The following ATP11C variants were observed in gnomAD, a reference collection of about 807,000 sequenced individuals.
The protein encoded by ATP11C is phospholipid-transporting ATPase IG.
In ATP11C, 36 loss-of-function variants were observed where a neutral mutation model predicts 97.4. That is an observed-to-expected ratio of 0.37 (90% confidence interval 0.28 to 0.49). The LOEUF is 0.49. ATP11C is among the 20% of genes least tolerant of loss of function. The pLI, the probability that ATP11C is intolerant of heterozygous loss-of-function variation, is 0.98. For missense variants in ATP11C, 730 were observed against 824.6 expected, an observed-to-expected ratio of 0.89 and a Z score of 1.40; for synonymous variants, 275 against 290.9, an observed-to-expected ratio of 0.95 and a Z score of 0.56.
At chrX:139,881,025 G>A (rs1319876782) in intron 1 of ATP11C, among the ~76,000 whole-genome samples, 1 of 111,637 alleles carries the variant, frequency 9.0e-6, no homozygotes, top group African/African-American at 3.3e-5. Flanking sequence ...ATGAACAACT[G>A]ACTTTGATAA....
At chrX:139,886,626 G>C (rs754221059) in intron 1 of ATP11C, among the ~76,000 whole-genome samples, 1 of 100,723 alleles carries the variant, frequency 9.9e-6, no homozygotes, top group African/African-American at 3.6e-5. Context: ...ACAGCACCAA[G>C]AAACATGTGA....
intron 12 of ATP11C, among the ~76,000 whole-genome samples, chrX:139,793,928 C>T (rs758766789): frequency 9.0e-6 from 1 of 111,609 alleles, no homozygotes; most frequent in South Asian, 3.7e-4. Context: ...CTAGCACACA[C>T]ACACATCCCA....
intron 1 of ATP11C, among the ~76,000 whole-genome samples, chrX:139,828,596 T>C (rs763806827): frequency 1.8e-5 from 2 of 112,029 alleles, no homozygotes; most frequent in African/African-American, 6.5e-5. Flanking sequence ...CACGTATACA[T>C]TGCAATTTGC....
At chrX:139,734,155 T>C (rs1053444496) in intron 28 of ATP11C, among the ~76,000 whole-genome samples, 6 of 111,640 alleles carry the variant, frequency 5.4e-5, no homozygotes, top group African/African-American at 1.9e-4. Flanking sequence ...CTAACAGGGC[T>C]ATTGCCCTGT....
chrX:139,768,508 C>A (rs1569445035), intron 19 of ATP11C, 74 bp from the exon 20 acceptor site: 2 of 791,861 alleles, frequency 2.5e-6, no homozygotes, highest in Non-Finnish European at 3.4e-6. Flanking sequence ...TTTTTTTAAA[C>A]AACAAAGGGG....
At chrX:139,931,096 G>T (rs1280515914) in intron 1 of ATP11C, among the ~76,000 whole-genome samples, 1 of 111,847 alleles carries the variant, frequency 8.9e-6, no homozygotes, top group Non-Finnish European at 1.9e-5. Flanking sequence ...TGCAATTAAG[G>T]AAGTTGCTAC....
chrX:139,907,565 G>A (rs748477917), intron 1 of ATP11C, among the ~76,000 whole-genome samples: 7 of 109,847 alleles, frequency 6.4e-5, no homozygotes, highest in Non-Finnish European at 1.3e-4. Context: ...TGGCTAACAC[G>A]GTGAAACCCC....
intron 1 of ATP11C, among the ~76,000 whole-genome samples, chrX:139,893,226 GTTGT>G (rs1358567173): frequency 9.0e-6 from 1 of 110,614 alleles, no homozygotes; most frequent in African/African-American, 3.3e-5. Flanking sequence ...TTTTTGTTTG[GTTGT>G]TTGTTTTTTA....
intron 1 of ATP11C, among the ~76,000 whole-genome samples, chrX:139,872,826 T>C: frequency 8.9e-6 from 1 of 112,133 alleles, no homozygotes; most frequent in East Asian, 2.8e-4. Context: ...TTAAAGTTAC[T>C]GAGCATAATG....
Position 139,738,051 on chromosome X carries a change from C to G in ATP11C, c.3153G>C (p.Gln1051His). ...TTTGGGCAAATACAAAATACATTCT[C>G]TGTTGCTTGAGAAAAGGCCTGCAGT... The part of the protein sequence containing the change: ...GGIIWPFLKQ[Q>H]RMYFVFAQML... The change falls in exon 28 of 30, where the codon CAG (glutamine) becomes CAC (histidine). Residue 1051 changes from glutamine (Q) to histidine (H), a missense_variant. Transcript: ENST00000682941. 1 of 1,199,149 alleles carries G rather than the reference C, an allele frequency of 8.3e-7. No homozygotes were observed. The highest frequency in any genetic ancestry group is 1.1e-6 in the Non-Finnish European group (1 of 889,971).
intron 18 of ATP11C, among the ~76,000 whole-genome samples, chrX:139,782,069 G>A (rs1363250311): frequency 4.5e-5 from 5 of 111,804 alleles, no homozygotes; most frequent in African/African-American, 6.5e-5. Flanking sequence ...GCTCACGCCT[G>A]TAATCCTAGC....
upstream of ATP11C, among the ~76,000 whole-genome samples, chrX:139,936,166 A>C (rs1438621952): frequency 1.8e-5 from 2 of 111,411 alleles, no homozygotes; most frequent in East Asian, 5.6e-4. Context: ...ACAAATCAAA[A>C]TATACTCAGC....
intron 19 of ATP11C, among the ~76,000 whole-genome samples, chrX:139,773,702 A>C (rs1288316778): frequency 8.9e-6 from 1 of 112,507 alleles, no homozygotes; most frequent in Non-Finnish European, 1.9e-5. Context: ...GCTGTTTTAG[A>C]ATTGGCCACA....
rs1321334708 is a variant in ATP11C, at chrX:139,919,491, ACAAACT to A, written c.27+12519_27+12524del. Among the ~76,000 whole-genome samples the A allele has an allele frequency of 1.8e-4, 19 of 105,348 alleles. No individual in the cohort carries two copies. In the Admixed American group the frequency reaches 1.9e-3, roughly 10 times the overall value. 91.5% of individuals were successfully genotyped at this position (105,348 alleles called of 115,157 possible). ...CACACACACACACACACACACACAC[ACAAACT>A]ACTTATTTAAGTGAGGAAGAACTGA... On this transcript the variant is annotated intron_variant, in intron 1 of 29. Coordinates refer to ENST00000682941, the MANE Select transcript of ATP11C (RefSeq NM_001353812.2).
At chrX:139,763,286 A>T in intron 21 of ATP11C, 30 bp downstream of exon 21, 1 of 1,102,008 alleles carries the variant, frequency 9.1e-7, no homozygotes, top group Non-Finnish European at 1.3e-6. Context: ...GATACTTTTC[A>T]CAGCTGCCAT....
chrX:139,900,103 G>A (rs865793049), intron 1 of ATP11C, among the ~76,000 whole-genome samples: 1 of 111,740 alleles, frequency 8.9e-6, no homozygotes, highest in Non-Finnish European at 1.9e-5. Context: ...GGGCGCGGTG[G>A]CTCATGCCTG....
chrX:139,769,105 C>CT lies in ATP11C; in HGVS notation c.2217-672dup, dbSNP rs1010753659. Among the ~76,000 whole-genome samples the CT allele has an allele frequency of 2.6e-3, 260 of 101,558 alleles. 1 individual carries two copies. The highest frequency in any genetic ancestry group is 8.6e-3 in the African/African-American group (241 of 28,170). The allele number at this position is 101,558 out of a possible 115,157, so 88.2% of individuals were successfully genotyped here. ...CTGGTTGAACTTTGACTAATATAAA[C>CT]TTTTTTTTTTGATGTTTAGAAAATA... On this transcript the variant is annotated intron_variant, in intron 19 of 29. Coordinates refer to ENST00000682941, the MANE Select transcript of ATP11C (RefSeq NM_001353812.2).
At chrX:139,924,119 C>G (rs2085312145) in intron 1 of ATP11C, 1 of 380,612 alleles carries the variant, frequency 2.6e-6, no homozygotes, top group Admixed American at 2.6e-5. Flanking sequence ...GTCCAAAAGT[C>G]AGGAAAAATG....
intron 10 of ATP11C, among the ~76,000 whole-genome samples, 164 bp downstream of exon 10, chrX:139,798,109 G>C (rs1228365251): frequency 8.9e-6 from 1 of 111,951 alleles, no homozygotes; most frequent in Non-Finnish European, 1.9e-5. Context: ...AACCAAATCA[G>C]ACATACAAAT....
Sources: gnomAD v4.1 joint callset for allele counts (sites outside exome capture counted in the v4.1 genomes callset) on GRCh38, gnomAD v4.1.1 for gene constraint, MANE v1.5 for transcripts, NCBI Gene and HGNC (gene_info 2026-07-23, HGNC 2026-07-21) for gene names.